MCTP1: variants seen among roughly 807,000 people sequenced by gnomAD.
MCTP1 encodes the protein multiple C2 and transmembrane domain containing 1.
A neutral mutation model predicts 120.6 loss-of-function variants in MCTP1; 69 were observed. The observed-to-expected ratio is 0.57, with a 90% CI of 0.47 to 0.70. The LOEUF is 0.70. Ranked by LOEUF, MCTP1 falls within the 30% of genes least tolerant of loss-of-function variation. The pLI, the probability that MCTP1 is intolerant of heterozygous loss-of-function variation, is 0.00. For missense variants in MCTP1, 1,203 were observed against 1,248.8 expected (o/e 0.96, Z 0.55); for synonymous variants, 529 against 493.1 (o/e 1.07, Z -0.96).
At chr5:94,980,005 C>CTTAAATTTTTTAAGTTAAAATTTAAG (rs1469072110) in intron 2 of MCTP1, among the ~76,000 whole-genome samples, 20 of 152,058 alleles carry the variant, frequency 1.3e-4, no homozygotes, top group Non-Finnish European at 8.8e-5. Flanking sequence ...TAAAAAATAC[C>CTTAAATTTTTTAAGTTAAAATTTAAG]TTAAAAATTC....
At chr5:95,244,204 G>A (rs1756490047) in intron 1 of MCTP1, among the ~76,000 whole-genome samples, 1 of 152,238 alleles carries the variant, frequency 6.6e-6, no homozygotes, top group Non-Finnish European at 1.5e-5. Flanking sequence ...GTGAATGCAT[G>A]AACAAACTGA....
chr5:95,160,701 A>G (rs555708280), intron 1 of MCTP1, among the ~76,000 whole-genome samples: 13 of 148,868 alleles, frequency 8.7e-5, no homozygotes, highest in African/African-American at 2.2e-4. Context: ...TTTGCAAACC[A>G]TATGTCTAAT....
intron 1 of MCTP1, among the ~76,000 whole-genome samples, chr5:95,187,215 A>G (rs936988312): frequency 3.3e-5 from 5 of 152,236 alleles, no homozygotes; most frequent in African/African-American, 1.2e-4. Context: ...GTCCATCAGC[A>G]GGTGAATGGA....
rs147484601 is a variant in MCTP1 at position 95,120,398 on chromosome 5, C to T, written c.721-102914G>A. ...ACATTAAAAAAAAGAAAACTATAGG[C>T]CAATATCACTTATGAATATTGATCC... On this transcript the variant is annotated intron_variant, in intron 1 of 22. Coordinates refer to ENST00000515393, the MANE Select transcript of MCTP1 (RefSeq NM_024717.7). 2.8e-3 allele frequency among the ~76,000 whole-genome samples: 429 copies of T among 152,056 alleles called. 2 individuals are homozygous for T. The highest frequency in any genetic ancestry group is 1.0e-2 in the South Asian group (48 of 4,820).
intron 2 of MCTP1, among the ~76,000 whole-genome samples, chr5:94,997,838 A>T (rs1445746075): frequency 6.6e-6 from 1 of 152,110 alleles, no homozygotes; most frequent in African/African-American, 2.4e-5. Context: ...TGCAGTAAAA[A>T]CTGTGTCTCA....
chr5:94,993,970 C>T (rs722723), intron 2 of MCTP1, among the ~76,000 whole-genome samples: 70,298 of 151,912 alleles, frequency 0.46, 17,811 homozygotes, highest in Middle Eastern at 0.57. Flanking sequence ...AAATTCTCTG[C>T]TTCATAGGAA....
intron 1 of MCTP1, among the ~76,000 whole-genome samples, chr5:95,095,005 GATTTTTTTTTTTTTTTTTT>G (rs1435495282): frequency 1.3e-5 from 1 of 79,540 alleles, no homozygotes; most frequent in African/African-American, 5.0e-5. Flanking sequence ...TGTTATGTTA[GATTTTTTTTTTTTTTTTTT>G]TTTTTTTTTT....
At chr5:94,872,874 T>C (rs1178186770) in intron 13 of MCTP1, among the ~76,000 whole-genome samples, 1 of 152,018 alleles carries the variant, frequency 6.6e-6, no homozygotes, top group Non-Finnish European at 1.5e-5. Flanking sequence ...ATTCAGTTAA[T>C]GGAAGCAAAA....
intron 19 of MCTP1, among the ~76,000 whole-genome samples, chr5:94,752,557 T>C (rs1768752065): frequency 6.6e-6 from 1 of 152,058 alleles, no homozygotes; most frequent in Non-Finnish European, 1.5e-5. Context: ...TGAATCAGAA[T>C]CTCTTGAAGT....
At chr5:94,924,278 T>C (rs1307471525) in intron 6 of MCTP1, among the ~76,000 whole-genome samples, 2 of 152,134 alleles carry the variant, frequency 1.3e-5, no homozygotes, top group African/African-American at 4.8e-5. Context: ...TTCATTAATA[T>C]ATTTTAGAGT....
chr5:95,140,134 G>A lies in MCTP1; in HGVS notation c.721-122650C>T, dbSNP rs201576924. Among the ~76,000 whole-genome samples, 3 of 152,314 alleles carry A rather than the reference G, an allele frequency of 2.0e-5. No individual in the cohort carries two copies. The East Asian group carries it at 5.8e-4, about 29-fold the overall frequency. On this transcript the variant is annotated intron_variant, in intron 1 of 22. Transcript: ENST00000515393. ...TTGCAGAAAAGGCATCTCATTTCTA[G>A]AGAGGATGGATAGGCTTTTGCCTCC...
At chr5:94,805,015 T>G (rs1442565819) in intron 17 of MCTP1, among the ~76,000 whole-genome samples, 1 of 152,226 alleles carries the variant, frequency 6.6e-6, no homozygotes, top group Non-Finnish European at 1.5e-5. Flanking sequence ...ACATTAAAGA[T>G]TCTGTGAACT....
At chr5:95,263,123 C>G (rs1758607293) in intron 1 of MCTP1, among the ~76,000 whole-genome samples, 1 of 152,170 alleles carries the variant, frequency 6.6e-6, no homozygotes, top group Non-Finnish European at 1.5e-5. Flanking sequence ...CCAGAGTTCA[C>G]TAGGAAGCTA....
chr5:94,786,506 A>G (rs535485644), intron 18 of MCTP1, among the ~76,000 whole-genome samples: 2 of 152,246 alleles, frequency 1.3e-5, no homozygotes, highest in Admixed American at 1.3e-4. Flanking sequence ...GTCTGTGGTG[A>G]ATGGTGAATT....
At chr5:95,121,638 GAA>G (rs578017424) in intron 1 of MCTP1, among the ~76,000 whole-genome samples, 2 of 146,976 alleles carry the variant, frequency 1.4e-5, no homozygotes, top group African/African-American at 2.5e-5. Flanking sequence ...CATAGAAATA[GAA>G]AAAAAAAATC....
chr5:95,280,006 T>G (rs973264374), intron 1 of MCTP1, among the ~76,000 whole-genome samples: 1 of 152,234 alleles, frequency 6.6e-6, no homozygotes, highest in African/African-American at 2.4e-5. Flanking sequence ...ATTATGTTTT[T>G]AAATCTGTGC....
At chr5:94,976,271 C>A (rs1052810075) in intron 2 of MCTP1, among the ~76,000 whole-genome samples, 6 of 151,980 alleles carry the variant, frequency 3.9e-5, no homozygotes, top group African/African-American at 1.4e-4. Context: ...GCCAACATGG[C>A]AAAACCCTGT....
At chr5:95,147,356 G>A (rs1030008723) in intron 1 of MCTP1, among the ~76,000 whole-genome samples, 2 of 152,194 alleles carry the variant, frequency 1.3e-5, no homozygotes, top group Admixed American at 6.5e-5. Context: ...AAAGTGCTGG[G>A]ATTACAGGCG....
At chr5:94,916,613 G>T (rs1810133783) in intron 8 of MCTP1, among the ~76,000 whole-genome samples, 1 of 152,198 alleles carries the variant, frequency 6.6e-6, no homozygotes. Context: ...AAGAAACTTT[G>T]CAAACTATGA....
Sources: gnomAD v4.1 joint callset for allele counts (sites outside exome capture counted in the v4.1 genomes callset) on GRCh38, gnomAD v4.1.1 for gene constraint, MANE v1.5 for transcripts, NCBI Gene and HGNC (gene_info 2026-07-23, HGNC 2026-07-21) for gene names.